Variants in UHRF2 observed in about 807,000 individuals in gnomAD.
UHRF2 encodes ubiquitin like with PHD and ring finger domains 2, also known as E3 ubiquitin-protein ligase UHRF2.
Under a neutral mutation model 96.8 loss-of-function variants are expected in UHRF2, and 23 were observed. The ratio of observed to expected loss-of-function variants is 0.24; its 90% confidence interval spans 0.17 to 0.34. The LOEUF is 0.34. UHRF2 is among the 10% of genes least tolerant of loss of function. The probability of loss-of-function intolerance (pLI) is 1.00; values close to 1 mark genes in which losing one functional copy is unlikely to be tolerated. For missense variants in UHRF2, 685 were observed against 981.5 expected, an observed-to-expected ratio of 0.70 and a Z score of 4.04; for synonymous variants, 385 against 332.6, an observed-to-expected ratio of 1.16 and a Z score of -1.72.
intron 14 of UHRF2, 105 bp from the exon 15 acceptor site, chr9:6,504,488 T>C: frequency 3.0e-6 from 2 of 658,692 alleles, no homozygotes; most frequent in Non-Finnish European, 5.2e-6. Context: ...CTGGGAACAT[T>C]TGAATTATTC....
intron 4 of UHRF2, among the ~76,000 whole-genome samples, chr9:6,463,370 G>A (rs1822668059): frequency 6.6e-6 from 1 of 152,012 alleles, no homozygotes; most frequent in Admixed American, 6.6e-5. Context: ...TATCCCAACA[G>A]TACAATAAAA....
At chr9:6,418,249 G>A (rs1451663188) in intron 1 of UHRF2, among the ~76,000 whole-genome samples, 3 of 146,198 alleles carry the variant, frequency 2.1e-5, no homozygotes, top group Admixed American at 1.4e-4. Flanking sequence ...TTCAAGACTA[G>A]AGGATGTTCC....
At chr9:6,425,712 G>A (rs773903777) in intron 2 of UHRF2, among the ~76,000 whole-genome samples, 6 of 152,064 alleles carry the variant, frequency 3.9e-5, no homozygotes, top group Non-Finnish European at 8.8e-5. Flanking sequence ...ACGGGGAGCC[G>A]AGATCGCGCC....
chr9:6,499,785 T>A (rs752252710), intron 12 of UHRF2, 50 bp from the exon 13 acceptor site: 1 of 1,268,168 alleles, frequency 7.9e-7, no homozygotes. Context: ...ACCCCCCTTC[T>A]CTGTGAAGCT....
intron 4 of UHRF2, 111 bp downstream of exon 4, chr9:6,460,902 G>A (rs2130847748): frequency 2.5e-6 from 2 of 808,086 alleles, no homozygotes; most frequent in Admixed American, 3.7e-5. Flanking sequence ...TATAAAAGAT[G>A]GAAATTTCCA....
chr9:6,475,030 A>G (rs1823480776), intron 4 of UHRF2, among the ~76,000 whole-genome samples: 1 of 152,194 alleles, frequency 6.6e-6, no homozygotes, highest in African/African-American at 2.4e-5. Flanking sequence ...CAGAAAACAT[A>G]CCTTATTTCT....
chr9:6,426,615 C>T (rs1481072268), intron 2 of UHRF2, among the ~76,000 whole-genome samples: 2 of 152,100 alleles, frequency 1.3e-5, no homozygotes, highest in African/African-American at 4.8e-5. Flanking sequence ...ATAGCTCATT[C>T]CATAAATAGG....
At chr9:6,504,460 C>T (rs933033791) in intron 14 of UHRF2, 133 bp from the exon 15 acceptor site, 1 of 591,550 alleles carries the variant, frequency 1.7e-6, no homozygotes, top group Admixed American at 3.1e-5. Context: ...ATGTTCATCA[C>T]TATAAACATC....
intron 3 of UHRF2, among the ~76,000 whole-genome samples, chr9:6,445,844 A>G (rs1409675831): frequency 6.6e-6 from 1 of 151,832 alleles, no homozygotes; most frequent in Non-Finnish European, 1.5e-5. Context: ...GCTTACAGGC[A>G]TTAGCCACTG....
chr9:6,446,478 G>A (rs1485547987), intron 3 of UHRF2, among the ~76,000 whole-genome samples: 1 of 151,324 alleles, frequency 6.6e-6, no homozygotes, highest in African/African-American at 2.4e-5. Context: ...GCAGGGTTTC[G>A]CCATGTTGCC....
chr9:6,475,609 C>A (rs1023280572), intron 5 of UHRF2, 109 bp downstream of exon 5: 7 of 479,784 alleles, frequency 1.5e-5, no homozygotes, highest in African/African-American at 8.0e-5. Flanking sequence ...GTAGACCATA[C>A]AAATTTATTT....
intron 3 of UHRF2, among the ~76,000 whole-genome samples, chr9:6,436,320 G>A (rs1563754168): frequency 6.6e-6 from 1 of 152,078 alleles, no homozygotes; most frequent in Non-Finnish European, 1.5e-5. Context: ...CATGATAGAT[G>A]GTAATAGTAC....
chr9:6,429,337 G>C (rs1820442905), intron 2 of UHRF2, among the ~76,000 whole-genome samples: 1 of 152,160 alleles, frequency 6.6e-6, no homozygotes, highest in South Asian at 2.1e-4. Context: ...AATTAAAGGA[G>C]GTAAAGTATG....
intron 2 of UHRF2, among the ~76,000 whole-genome samples, chr9:6,423,518 G>A (rs1017725102): frequency 3.9e-5 from 6 of 152,002 alleles, no homozygotes; most frequent in South Asian, 2.1e-4. Flanking sequence ...GTCAGGATGT[G>A]GGGACAGTTC....
intron 12 of UHRF2, 51 bp from the exon 13 acceptor site, chr9:6,499,784 C>A: frequency 8.2e-7 from 1 of 1,222,106 alleles, no homozygotes. Flanking sequence ...AACCCCCCTT[C>A]TCTGTGAAGC....
At chr9:6,471,611 A>C (rs1468365568) in intron 4 of UHRF2, among the ~76,000 whole-genome samples, 3 of 152,150 alleles carry the variant, frequency 2.0e-5, no homozygotes, top group African/African-American at 7.2e-5. Flanking sequence ...TTCCCTGAGT[A>C]GAGCCTTTAA....
intron 14 of UHRF2, among the ~76,000 whole-genome samples, chr9:6,503,471 C>G (rs942839032): frequency 2.0e-5 from 3 of 151,330 alleles, no homozygotes; most frequent in Non-Finnish European, 4.4e-5. Flanking sequence ...TACAGGGTAT[C>G]CATTTGATCA....
chr9:6,493,296 T>C (rs558563829), intron 9 of UHRF2, among the ~76,000 whole-genome samples: 3,444 of 148,282 alleles, frequency 0.023, 126 homozygotes, highest in African/African-American at 0.08. Flanking sequence ...AGACTCTGTT[T>C]AAAAAAAAAA....
chr9:6,457,992 G>A (rs1486932970), intron 3 of UHRF2, among the ~76,000 whole-genome samples: 1 of 152,156 alleles, frequency 6.6e-6, no homozygotes, highest in African/African-American at 2.4e-5. Context: ...TCTCTGCCAG[G>A]TTTTGGTATC....
Sources: allele counts gnomAD v4.1 joint callset (sites outside exome capture counted in the v4.1 genomes callset), GRCh38; gene constraint gnomAD v4.1.1; transcripts MANE v1.5; gene names NCBI Gene and HGNC (gene_info 2026-07-23, HGNC 2026-07-21).